The following LTO1 variants were observed in gnomAD, a reference collection of about 807,000 sequenced individuals.
The protein encoded by LTO1 is protein LTO1 homolog.
A neutral mutation model predicts 19.8 loss-of-function variants in LTO1; 18 were observed. The ratio of observed to expected loss-of-function variants is 0.91; its 90% CI spans 0.63 to 1.35. The LOEUF (loss-of-function observed/expected upper bound fraction) is 1.35, where lower values mean the gene tolerates loss of function less well. Ranked by LOEUF, LTO1 falls within the 40% of genes most tolerant of loss-of-function variation. The pLI is 0.00. For synonymous variants in LTO1, 59 were observed against 59.6 expected (o/e 0.99, Z 0.05); for missense variants, 175 against 167.9 (o/e 1.04, Z -0.23).
Position 69,673,202 on chromosome 11 carries a change from G to T in LTO1, c.156+14C>A. The T allele has an allele frequency of 7.2e-7, 1 of 1,390,918 alleles. No individual in the cohort carries two copies. The highest frequency in any genetic ancestry group is 1.0e-6 in the Non-Finnish European group (1 of 976,146). The allele number at this position is 1,390,918 out of a possible 1,614,324, so 86.2% of individuals were successfully genotyped here. A position where few individuals can be genotyped will look rare whatever the true frequency, so the allele number is the denominator to read the frequency against. On this transcript the variant is annotated intron_variant, in intron 2 of 4. Transcript: ENST00000279147. Reference sequence around the variant, plus strand: ...ATGAAGAGGCTTCATCTCCAGATGGGGGTTCCCACTTACCTCAGACCCGAT... The same window carrying T: ...ATGAAGAGGCTTCATCTCCAGATGGTGGTTCCCACTTACCTCAGACCCGAT...
At chr11:69,671,194 C>T (rs1590923923) in intron 3 of LTO1, among the ~76,000 whole-genome samples, 3 of 152,186 alleles carry the variant, frequency 2.0e-5, no homozygotes, top group South Asian at 4.2e-4. Context: ...CCACTGCGCC[C>T]GGCCGAGAAG....
chr11:69,675,080 C>T, intron 1 of LTO1, 110 bp downstream of exon 1: 1 of 964,732 alleles, frequency 1.0e-6, no homozygotes, highest in Non-Finnish European at 1.6e-6. Flanking sequence ...CCCCAATGCG[C>T]ACGCCCAAGG....
intron 1 of LTO1, 180 bp downstream of exon 1, chr11:69,675,007 CAGG>C (rs1484898668): frequency 8.6e-6 from 6 of 697,942 alleles, no homozygotes; most frequent in African/African-American, 3.5e-5. Context: ...CGGAGCGGGC[CAGG>C]AGAAGAGGAC....
At position 69,667,429 on chromosome 11, in the gene LTO1, TC is replaced by T; in HGVS notation, c.*89del. 1 of 893,440 alleles carries T rather than the reference TC, an allele frequency of 1.1e-6. No homozygotes were observed. 55.3% of individuals were successfully genotyped at this position (893,440 alleles called of 1,614,324 possible). On this transcript the variant is annotated 3_prime_UTR_variant, in exon 5 of 5. Coordinates refer to ENST00000279147, the MANE Select transcript of LTO1 (RefSeq NM_153451.3). ...TCACCCTCCCAATGAACAACTGCCT[TC>T]CCAGCACCGTCTGGCCCTTCACCGC... is the stretch of plus-strand genomic sequence containing the variant.
intron 3 of LTO1, 50 bp downstream of exon 3, chr11:69,671,699 C>T: frequency 9.8e-7 from 1 of 1,023,680 alleles, no homozygotes; most frequent in East Asian, 2.4e-5. Context: ...ACCCATGGAA[C>T]TAGAACTCCT....
chr11:69,671,387 ATTTG>A (rs775284660), intron 3 of LTO1: 27 of 201,304 alleles, frequency 1.3e-4, no homozygotes, highest in Non-Finnish European at 2.7e-4. Flanking sequence ...AACTGTTATA[ATTTG>A]TTTATTAGAA....
intron 1 of LTO1, among the ~76,000 whole-genome samples, chr11:69,673,555 T>C (rs1288604181): frequency 6.6e-6 from 1 of 152,146 alleles, no homozygotes; most frequent in Non-Finnish European, 1.5e-5. Context: ...AACAAAGGGC[T>C]AAATTAGGGA....
At position 69,666,739 on chromosome 11, in the gene LTO1, C is replaced by T. The variant is rs1856037574; in HGVS notation, c.*780G>A. ...TGCAAAGGATATGTCTGGGTCCCCT[C>T]AGGATCAGGTTGGCCTTTCTTCCTC... On this transcript the variant is annotated 3_prime_UTR_variant, in exon 5 of 5. Coordinates refer to ENST00000279147, the MANE Select transcript of LTO1 (RefSeq NM_153451.3). The T allele has an allele frequency of 6.6e-6, 1 of 152,320 alleles. No homozygotes were observed. The highest frequency in any genetic ancestry group is 1.5e-5 in the Non-Finnish European group (1 of 68,130). The allele number at this position is 152,320 out of a possible 1,614,324, so 9.4% of individuals were successfully genotyped here.
intron 1 of LTO1, 126 bp from the exon 2 acceptor site, chr11:69,673,447 A>G (rs1244434440): frequency 7.7e-6 from 5 of 648,140 alleles, no homozygotes; most frequent in Non-Finnish European, 1.1e-5. Context: ...AAAGCCTAAA[A>G]TTCAAGTCAG....
chr11:69,673,340 CT>C lies in LTO1; in HGVS notation c.51-20del. On this transcript the variant is annotated intron_variant, in intron 1 of 4. Coordinates refer to ENST00000279147, the MANE Select transcript of LTO1 (RefSeq NM_153451.3). ...ATGAAACCTGTGAAGAAGAAGCATG[CT>C]TCATCAAATCAACAGGAGAAAGAAT... The C allele has an allele frequency of 6.8e-7, 1 of 1,475,916 alleles. No individual in the cohort carries two copies. Among genetic ancestry groups the C allele is most frequent in the Non-Finnish European group, 9.5e-7 (1 of 1,054,312 alleles). The allele number at this position is 1,475,916 out of a possible 1,614,324, so 91.4% of individuals were successfully genotyped here.
intron 2 of LTO1, chr11:69,672,175 T>C: frequency 4.0e-6 from 1 of 247,082 alleles, no homozygotes; most frequent in South Asian, 5.3e-5. Context: ...CTTGGACCAC[T>C]CGCTCTTGAA....
intron 1 of LTO1, among the ~76,000 whole-genome samples, chr11:69,673,653 C>T (rs191937440): frequency 6.6e-6 from 1 of 150,636 alleles, no homozygotes; most frequent in African/African-American, 2.4e-5. Flanking sequence ...TTCAGTACGT[C>T]TGGAGCAAGG....
In LTO1 at chr11:69,667,417, G is replaced by A. The variant is rs2119833263; in HGVS notation, c.*102C>T. The A allele has an allele frequency of 1.2e-6, 1 of 813,976 alleles. No homozygotes were observed. The highest frequency in any genetic ancestry group is 2.5e-5 in the East Asian group (1 of 40,556). The allele number at this position is 813,976 out of a possible 1,614,324, so 50.4% of individuals were successfully genotyped here. ...GAACCGGAACCCTCACCCTCCCAAT[G>A]AACAACTGCCTTCCCAGCACCGTCT... On this transcript the variant is annotated 3_prime_UTR_variant, in exon 5 of 5. Transcript: ENST00000279147.
At chr11:69,669,447 C>A (rs761162840) in intron 3 of LTO1, among the ~76,000 whole-genome samples, 6 of 152,186 alleles carry the variant, frequency 3.9e-5, no homozygotes, top group Non-Finnish European at 5.9e-5. Flanking sequence ...ACCATGGCTA[C>A]CTCTCTGAGA....
intron 4 of LTO1, 65 bp from the exon 5 acceptor site, chr11:69,667,652 C>T (rs1856051981): frequency 3.5e-6 from 4 of 1,144,762 alleles, no homozygotes; most frequent in South Asian, 2.5e-5. Flanking sequence ...GAGAAGATAA[C>T]TCTATCTCTA....
At chr11:69,668,136 T>C in intron 3 of LTO1, 124 bp from the exon 4 acceptor site, 1 of 665,722 alleles carries the variant, frequency 1.5e-6, no homozygotes, top group East Asian at 2.5e-5. Flanking sequence ...GTTCAAAAGC[T>C]GGATGATTAT....
At position 69,675,190 on chromosome 11, in the gene LTO1, C is replaced by T. The variant is rs181375418; in HGVS notation, c.50G>A (p.Arg17Lys). 249 of 1,567,334 alleles carry T rather than the reference C, an allele frequency of 1.6e-4. No homozygotes were observed. The highest frequency in any genetic ancestry group is 2.1e-4 in the Non-Finnish European group (239 of 1,162,962). Residue 17 changes from arginine (R) to lysine (K), a missense_variant and splice_region_variant, in exon 1 of 5, where the codon AGG (arginine) becomes AAG (lysine). Coordinates refer to ENST00000279147, the MANE Select transcript of LTO1 (RefSeq NM_153451.3). ...GTGCGGGCCCGGCCTCACCACCCAC[C>T]TCTCATCCGCCATCACGATGGCATC... ...IFDAIVMADE[R>K]FHGEGYREGY... is the part of the protein sequence containing the mutation.
chr11:69,667,323 C>T lies in LTO1; in HGVS notation c.*196G>A, dbSNP rs1789166. The T allele has an allele frequency of 3.4e-6, 2 of 594,180 alleles. No individual in the cohort carries two copies. The highest frequency in any genetic ancestry group is 3.5e-4 in the Middle Eastern group (1 of 2,834). The allele number at this position is 594,180 out of a possible 1,614,324, so 36.8% of individuals were successfully genotyped here. On this transcript the variant is annotated 3_prime_UTR_variant, in exon 5 of 5. Coordinates refer to ENST00000279147, the MANE Select transcript of LTO1 (RefSeq NM_153451.3). Reference sequence around the variant, plus strand: ...TCAGCCCAACAAAGGGCATGTGTGGCGAGGCCCCAAGACGGGCACCAAGGT... The same window carrying T: ...TCAGCCCAACAAAGGGCATGTGTGGTGAGGCCCCAAGACGGGCACCAAGGT...
At position 69,671,786 on chromosome 11, in the gene LTO1, TC is replaced by T; in HGVS notation, c.189del (p.Trp63Ter). 6.2e-7 allele frequency: 1 copy of T among 1,605,868 alleles called. No homozygotes were observed. Among genetic ancestry groups the T allele is most frequent in the Non-Finnish European group, 8.5e-7 (1 of 1,172,494 alleles). ...IGCYQGFAFA[W>X]KCLLHSCTTE... ...GTGGTGCAACTGTGCAGTAGACATTTCCATGCAAAAGCAAAACCTTGGTAGC... is the reference window on the plus strand; with the variant it reads ...GTGGTGCAACTGTGCAGTAGACATTTCATGCAAAAGCAAAACCTTGGTAGC... On this transcript the variant is annotated frameshift_variant, in exon 3 of 5. Transcript: ENST00000279147. LOFTEE classifies it high-confidence loss of function.
Sources: allele counts gnomAD v4.1 joint callset (sites outside exome capture counted in the v4.1 genomes callset), GRCh38; gene constraint gnomAD v4.1.1; transcripts MANE v1.5; gene names NCBI Gene and HGNC (gene_info 2026-07-23, HGNC 2026-07-21).